The following SELENOM variants were observed in gnomAD, a reference collection of about 807,000 sequenced individuals.
The protein encoded by SELENOM is selenoprotein M.
SELENOM carries 17 observed loss-of-function variants against 14.5 expected under a neutral mutation model. The ratio of observed to expected loss-of-function variants is 1.17; its 90% CI spans 0.80 to 1.76. The LOEUF (loss-of-function observed/expected upper bound fraction) is 1.76, where lower values mean the gene tolerates loss of function less well. Ranked by LOEUF, SELENOM falls within the 40% of genes most tolerant of loss-of-function variation. SELENOM has a pLI of 0.00. For missense variants in SELENOM, 230 were observed against 204.6 expected (o/e 1.12, Z -0.76); for synonymous variants, 102 against 93.3 (o/e 1.09, Z -0.54).
Position 31,105,222 on chromosome 22 carries a change from AGCG to A in SELENOM, c.262_264del (p.Arg88del), listed in dbSNP as rs762459945. 1.1e-5 allele frequency: 17 copies of A among 1,613,276 alleles called. No homozygotes were observed. The highest frequency in any genetic ancestry group is 1.4e-5 in the Non-Finnish European group (17 of 1,179,684). ...CACGGCCTCACCTCTAGTTCCTCGT[AGCG>A]GCGGCCCAGCAGCACGAGCTCAGGG... On this transcript the variant is annotated inframe_deletion, in exon 4 of 5. Transcript: ENST00000400299.
chr22:31,106,256 C>A (rs1337447465), intron 1 of SELENOM: 2 of 510,854 alleles, frequency 3.9e-6, no homozygotes, highest in African/African-American at 1.9e-5. Flanking sequence ...TGGACTGACT[C>A]CCAATGCCCA....
chr22:31,107,509 G>A lies in SELENOM; in HGVS notation c.-4C>T, dbSNP rs748052738. On this transcript the variant is annotated 5_prime_UTR_variant, in exon 1 of 5. Coordinates refer to ENST00000400299, the MANE Select transcript of SELENOM (RefSeq NM_080430.4). ...GCGGAGGCAACAGGAGGCTCATCGGGACCCGGCCGCAGATGATGCGCAAGC... is the reference window on the plus strand; with the variant it reads ...GCGGAGGCAACAGGAGGCTCATCGGAACCCGGCCGCAGATGATGCGCAAGC... 2.5e-5 allele frequency: 38 copies of A among 1,540,270 alleles called. No individual in the cohort carries two copies. Among genetic ancestry groups the A allele is most frequent in the Middle Eastern group, 2.2e-4 (1 of 4,446 alleles).
chr22:31,105,961 C>A lies in SELENOM; in HGVS notation c.134G>T (p.Cys45Phe), dbSNP rs751600040. 1 of 1,614,084 alleles carries A rather than the reference C, an allele frequency of 6.2e-7. No individual in the cohort carries two copies. Among genetic ancestry groups the A allele is most frequent in the Non-Finnish European group, 8.5e-7 (1 of 1,179,956 alleles). Residue 45 changes from cysteine to phenylalanine, a missense_variant, in exon 2 of 5, where the codon TGC becomes TTC. By Grantham distance (205) the Cys-to-Phe change is radical. Transcript: ENST00000400299. ...TAGGCGGTTCAGCTGTCATCCCCCG[C>A]AGGTCTGGAGGGGGATAAAATGGGA... ...SGLTRARVET[C>F]GGUQLNRLKE...
Position 31,105,240 on chromosome 22 carries a change from C to G in SELENOM, c.247G>C (p.Val83Leu), listed in dbSNP as rs772826340. 148 of 1,613,018 alleles carry G rather than the reference C, an allele frequency of 9.2e-5. No homozygotes were observed. Among genetic ancestry groups the G allele is most frequent in the Middle Eastern group, 1.6e-4 (1 of 6,080 alleles). ...KHLPGADPEL[V>L]LLGRRYEELE... is the part of the protein sequence containing the mutation. ...TCCTCGTAGCGGCGGCCCAGCAGCA[C>G]GAGCTCAGGGTCGGCCCCAGGGAGG... Residue 83 changes from valine (V) to leucine (L), a missense_variant, in exon 4 of 5, where the codon GTG (valine) becomes CTG (leucine). By Grantham distance (32) the Val-to-Leu change is conservative. Coordinates refer to ENST00000400299, the MANE Select transcript of SELENOM (RefSeq NM_080430.4).
rs995973744 is a variant in SELENOM, at chr22:31,104,784, A to T, written c.*186T>A. 1.9e-5 allele frequency: 7 copies of T among 366,278 alleles called. No homozygotes were observed. The highest frequency in any genetic ancestry group is 2.4e-5 in the Non-Finnish European group (5 of 207,382). 22.7% of individuals were successfully genotyped at this position (366,278 alleles called of 1,614,324 possible). On this transcript the variant is annotated 3_prime_UTR_variant, in exon 5 of 5. Coordinates refer to ENST00000400299, the MANE Select transcript of SELENOM (RefSeq NM_080430.4). ...GAAGGAGTCGAGCCTCAGTTAAGGC[A>T]GGAGGGAATTTAGTGGAGCTGGGGA...
chr22:31,107,338 G>T, intron 1 of SELENOM, 39 bp downstream of exon 1: 1 of 1,573,934 alleles, frequency 6.4e-7, no homozygotes. Flanking sequence ...CGCAGGGTTG[G>T]GGAACGATAG....
chr22:31,105,024 G>A lies in SELENOM; in HGVS notation c.384C>T (p.Tyr128=). 5 of 1,609,778 alleles carry A rather than the reference G, an allele frequency of 3.1e-6. No individual in the cohort carries two copies. Among genetic ancestry groups the A allele is most frequent in the Non-Finnish European group, 4.2e-6 (5 of 1,178,888 alleles). The change falls in exon 5 of 5, where the codon TAC becomes TAT. Residue 128 remains tyrosine (Y), a synonymous_variant. Coordinates refer to ENST00000400299, the MANE Select transcript of SELENOM (RefSeq NM_080430.4). Reference sequence around the variant, plus strand: ...CTGGGGGCTTCGCGGGCGCCCACACGTACTCGGGGGGCACCTGCGCGTCGG... The same window carrying A: ...CTGGGGGCTTCGCGGGCGCCCACACATACTCGGGGGGCACCTGCGCGTCGG... ...AAPDAQVPPE[Y]VWAPAKPPEE... is the part of the protein sequence containing the mutation.
chr22:31,105,428 G>A (rs995618594), intron 3 of SELENOM, 142 bp from the exon 4 acceptor site: 9 of 892,648 alleles, frequency 1.0e-5, no homozygotes, highest in African/African-American at 1.7e-5. Flanking sequence ...TTATACGTGA[G>A]AAAATTAGGG....
chr22:31,107,387 G>C lies in SELENOM; in HGVS notation c.119C>G (p.Ala40Gly). Reference sequence around the variant, plus strand: ...GGCCGGCGTACTCACCTCTACCCGGGCGCGGGTTAGGCCGCTCAGACGGTT... The same window carrying C: ...GGCCGGCGTACTCACCTCTACCCGGCCGCGGGTTAGGCCGCTCAGACGGTT... ...DWNRLSGLTR[A>G]RVETCGGUQL... Residue 40 changes from alanine (A) to glycine (G), a missense_variant, in exon 1 of 5, where the codon GCC becomes GGC. Ala to Gly is a moderately conservative substitution (Grantham distance 60). Coordinates refer to ENST00000400299, the MANE Select transcript of SELENOM (RefSeq NM_080430.4). The C allele has an allele frequency of 6.3e-7, 1 of 1,594,622 alleles. No homozygotes were observed. Among genetic ancestry groups the C allele is most frequent in the African/African-American group, 1.3e-5 (1 of 74,168 alleles).
In SELENOM at chr22:31,105,254, G is replaced by A; in HGVS notation, c.233C>T (p.Ala78Val). ...GCCCAGCAGCACGAGCTCAGGGTCG[G>A]CCCCAGGGAGGTGTTTCATCACCAG... ...HNLVMKHLPG[A>V]DPELVLLGRR... Residue 78 changes from alanine (A) to valine (V), a missense_variant, in exon 4 of 5, where the codon GCC (alanine) becomes GTC (valine). By Grantham distance (64) the Ala-to-Val change is moderately conservative (BLOSUM62 0). Transcript: ENST00000400299. 1.2e-6 allele frequency: 2 copies of A among 1,612,720 alleles called. No individual in the cohort carries two copies. Among genetic ancestry groups the A allele is most frequent in the South Asian group, 1.1e-5 (1 of 90,896 alleles).
Position 31,105,030 on chromosome 22 carries a change from G to C in SELENOM, c.378C>G (p.Pro126=). The part of the protein sequence containing the change: ...RKAAPDAQVP[P]EYVWAPAKPP... ...GCTTCGCGGGCGCCCACACGTACTC[G>C]GGGGGCACCTGCGCGTCGGGCGCCG... is the stretch of plus-strand genomic sequence containing the variant. The change falls in exon 5 of 5, where the codon CCC becomes CCG. Residue 126 remains proline (P), a synonymous_variant. Transcript: ENST00000400299. The C allele has an allele frequency of 1.9e-6, 3 of 1,610,520 alleles. No homozygotes were observed. Among genetic ancestry groups the C allele is most frequent in the Non-Finnish European group, 2.5e-6 (3 of 1,179,094 alleles).
Position 31,107,551 on chromosome 22 carries a change from A to C in SELENOM, c.-46T>G. 1 of 1,480,404 alleles carries C rather than the reference A, an allele frequency of 6.8e-7. No individual in the cohort carries two copies. The highest frequency in any genetic ancestry group is 9.0e-7 in the Non-Finnish European group (1 of 1,115,428). The allele number at this position is 1,480,404 out of a possible 1,614,324, so 91.7% of individuals were successfully genotyped here. ...TGCGCAAGCTGGAGGCGAACCTCCG[A>C]GTCGCTGCGCCACGTCTGGGCCCCC... On this transcript the variant is annotated 5_prime_UTR_variant, in exon 1 of 5. Coordinates refer to ENST00000400299, the MANE Select transcript of SELENOM (RefSeq NM_080430.4).
rs746891854 is a variant in SELENOM at position 31,104,969 on chromosome 22, C to T, written c.*1G>A. On this transcript the variant is annotated 3_prime_UTR_variant, in exon 5 of 5. Coordinates refer to ENST00000400299, the MANE Select transcript of SELENOM (RefSeq NM_080430.4). ...GTCCCAGCTCCGCCGCGCCCCCGGA[C>T]CTACAGGTCAGCGTGGTCCGAAGTT... 23 of 1,566,902 alleles carry T rather than the reference C, an allele frequency of 1.5e-5. No individual in the cohort carries two copies. In the East Asian group the frequency reaches 2.9e-4, roughly 20 times the overall value.
At position 31,107,490 on chromosome 22, in the gene SELENOM, G is replaced by A. The variant is rs2044416770; in HGVS notation, c.16C>T (p.Pro6Ser). The A allele has an allele frequency of 3.2e-6, 5 of 1,553,444 alleles. No homozygotes were observed. The highest frequency in any genetic ancestry group is 4.3e-6 in the Non-Finnish European group (5 of 1,151,548). The part of the protein sequence containing the change: MSLLL[P>S]PLALLLLLAA... ...AGAAGCAGCAGCAGCGCCAGCGGAG[G>A]CAACAGGAGGCTCATCGGGACCCGG... is the stretch of plus-strand genomic sequence containing the variant. Residue 6 changes from proline (P) to serine (S), a missense_variant, in exon 1 of 5, where the codon CCT becomes TCT. Coordinates refer to ENST00000400299, the MANE Select transcript of SELENOM (RefSeq NM_080430.4).
chr22:31,105,291 A>T lies in SELENOM; in HGVS notation c.201-5T>A. ...TGTTTCATCACCAGGTTGTGACTGG[A>T]GGTGGTGTTAAGGAGCGGGGTGGTG... On this transcript the variant is annotated splice_region_variant and splice_polypyrimidine_tract_variant and intron_variant, in intron 3 of 4. Coordinates refer to ENST00000400299, the MANE Select transcript of SELENOM (RefSeq NM_080430.4). 1 of 1,609,178 alleles carries T rather than the reference A, an allele frequency of 6.2e-7. No homozygotes were observed. The highest frequency in any genetic ancestry group is 8.5e-7 in the Non-Finnish European group (1 of 1,178,016).
In SELENOM at chr22:31,107,560, G is replaced by A. The variant is rs1384567753; in HGVS notation, c.-55C>T. ...TGGAGGCGAACCTCCGAGTCGCTGC[G>A]CCACGTCTGGGCCCCCAGGCTGGCC... On this transcript the variant is annotated 5_prime_UTR_variant, in exon 1 of 5. Transcript: ENST00000400299. The A allele has an allele frequency of 3.4e-6, 5 of 1,451,892 alleles. No homozygotes were observed. Among genetic ancestry groups the A allele is most frequent in the Admixed American group, 2.2e-5 (1 of 44,562 alleles). The allele number at this position is 1,451,892 out of a possible 1,614,324, so 89.9% of individuals were successfully genotyped here.
intron 1 of SELENOM, 108 bp downstream of exon 1, chr22:31,107,269 A>C: frequency 1.5e-6 from 2 of 1,336,894 alleles, no homozygotes; most frequent in Non-Finnish European, 2.0e-6. Context: ...GGGGGAAAGC[A>C]GGGAGACTCG....
chr22:31,107,381 A>C lies in SELENOM; in HGVS notation c.125T>G (p.Val42Gly), dbSNP rs778784192. The change falls in exon 1 of 5, where the codon GTA becomes GGA. Residue 42 changes from valine to glycine, a missense_variant. Physicochemically the swap from Val to Gly is moderately radical, Grantham distance 109 (BLOSUM62 -3). Transcript: ENST00000400299. ...NRLSGLTRAR[V>G]ETCGGUQLNR... ...GCTGGAGGCCGGCGTACTCACCTCT[A>C]CCCGGGCGCGGGTTAGGCCGCTCAG... is the stretch of plus-strand genomic sequence containing the variant. 6.3e-7 allele frequency: 1 copy of C among 1,593,260 alleles called. No homozygotes were observed. Among genetic ancestry groups the C allele is most frequent in the Non-Finnish European group, 8.5e-7 (1 of 1,172,124 alleles).
intron 3 of SELENOM, 37 bp downstream of exon 3, chr22:31,105,621 C>T (rs2044394627): frequency 6.2e-7 from 1 of 1,604,164 alleles, no homozygotes; most frequent in Non-Finnish European, 8.5e-7. Flanking sequence ...CTCCCAGGTG[C>T]CCATCCCATT....
Sources: allele counts gnomAD v4.1 joint callset, GRCh38; gene constraint gnomAD v4.1.1; transcripts MANE v1.5; gene names NCBI Gene and HGNC (gene_info 2026-07-23, HGNC 2026-07-21).